The following VPS13A variants were observed in gnomAD, a reference collection of about 807,000 sequenced individuals.
VPS13A encodes the protein intermembrane lipid transfer protein VPS13A.
In VPS13A, 264 loss-of-function variants were observed where a neutral mutation model predicts 390.9. The ratio of observed to expected loss-of-function variants is 0.68; its 90% CI spans 0.61 to 0.75. VPS13A has a LOEUF of 0.75. VPS13A is among the 30% of genes least tolerant of loss of function. The probability of loss-of-function intolerance (pLI) is 0.00; values close to 1 mark genes in which losing one functional copy is unlikely to be tolerated. For synonymous variants in VPS13A, 1,231 were observed against 1,227.1 expected, an observed-to-expected ratio of 1.00 and a Z score of -0.07; for missense variants, 3,409 against 3,733.9, an observed-to-expected ratio of 0.91 and a Z score of 2.27.
At chr9:77,314,156 G>A (rs1179756809) in intron 36 of VPS13A, 37 bp downstream of exon 36, 1 of 1,609,596 alleles carries the variant, frequency 6.2e-7, no homozygotes, top group Admixed American at 1.7e-5. Flanking sequence ...ATTTTCACAT[G>A]TGAAATTTGC....
intron 47 of VPS13A, chr9:77,338,089 C>G (rs889925310): frequency 6.6e-6 from 1 of 152,586 alleles, no homozygotes; most frequent in African/African-American, 2.4e-5. Flanking sequence ...GATCCTTCCA[C>G]CTCAGCCCCC....
intron 34 of VPS13A, 78 bp from the exon 35 acceptor site, chr9:77,307,867 C>T: frequency 1.7e-6 from 2 of 1,198,862 alleles, no homozygotes; most frequent in South Asian, 1.4e-5. Flanking sequence ...CATTTTTCTC[C>T]TCTGAGAATT....
intron 34 of VPS13A, among the ~76,000 whole-genome samples, chr9:77,306,339 A>T (rs1828738105): frequency 6.6e-6 from 1 of 151,962 alleles, no homozygotes; most frequent in South Asian, 2.1e-4. Context: ...AGTGAGCCAA[A>T]CTCAAAGATC....
At chr9:77,369,647 A>G (rs887121696) in intron 63 of VPS13A, among the ~76,000 whole-genome samples, 5 of 152,166 alleles carry the variant, frequency 3.3e-5, no homozygotes, top group Admixed American at 6.5e-5. Context: ...GTTCTCTTGG[A>G]ATATAAAAGG....
chr9:77,345,560 C>T (rs563336106), intron 52 of VPS13A, among the ~76,000 whole-genome samples: 1 of 151,840 alleles, frequency 6.6e-6, no homozygotes, highest in Non-Finnish European at 1.5e-5. Context: ...AGGACTGCTT[C>T]CTTAAAGGCT....
At chr9:77,241,119 C>CAT (rs1169342940) in intron 19 of VPS13A, among the ~76,000 whole-genome samples, 1 of 152,096 alleles carries the variant, frequency 6.6e-6, no homozygotes, top group East Asian at 1.9e-4. Context: ...TAACTCTTTA[C>CAT]ATATATTCTC....
chr9:77,200,284 C>G (rs1825250464), intron 2 of VPS13A, among the ~76,000 whole-genome samples: 1 of 151,946 alleles, frequency 6.6e-6, no homozygotes, highest in African/African-American at 2.4e-5. Flanking sequence ...GTCAGTAGTT[C>G]GAGACTAGCC....
In VPS13A at chr9:77,247,387, C is replaced by A; in HGVS notation, c.2029C>A (p.His677Asn). Reference protein sequence around the residue: ...TSNLLLLDLGHLKVTSKSRSE... With the variant: ...TSNLLLLDLGNLKVTSKSRSE... ...AAATCTGCTTCTTTTGGACCTTGGT[C>A]ATCTAAAGGTATATACTAATAATAT... Residue 677 changes from histidine (H) to asparagine (N), a missense_variant, in exon 20 of 72, where the codon CAT (histidine) becomes AAT (asparagine). Around this residue, in one of 5 missense-constraint regions of VPS13A, gnomAD observed 2,717 missense variants for 2,917.4 expected, o/e 0.93. Transcript: ENST00000360280. The A allele has an allele frequency of 6.2e-7, 1 of 1,611,754 alleles. No homozygotes were observed. Among genetic ancestry groups the A allele is most frequent in the South Asian group, 1.1e-5 (1 of 90,526 alleles).
chr9:77,339,530 G>A lies in VPS13A; in HGVS notation c.6393G>A (p.Ser2131=), dbSNP rs778412896. 82 of 1,534,248 alleles carry A rather than the reference G, an allele frequency of 5.3e-5. No homozygotes were observed. The highest frequency in any genetic ancestry group is 7.4e-5 in the East Asian group (3 of 40,766). ...IAYYIEGIEN[S]VFTLSEGHSA... is the part of the protein sequence containing the mutation. ...TTTTATTACAGGGAATTGAAAATTC[G>A]GTTTTTACTCTAAGTGAAGGACATT... Residue 2131 remains serine (S), a synonymous_variant, in exon 48 of 72, where the codon TCG becomes TCA. Coordinates refer to ENST00000360280, the MANE Select transcript of VPS13A (RefSeq NM_033305.3).
intron 71 of VPS13A, among the ~76,000 whole-genome samples, chr9:77,412,693 C>A (rs1834994672): frequency 6.6e-6 from 1 of 152,118 alleles, no homozygotes; most frequent in African/African-American, 2.4e-5. Flanking sequence ...TGGCACAAGA[C>A]AGGGATGCCC....
chr9:77,210,788 C>G, intron 7 of VPS13A, 113 bp downstream of exon 7: 1 of 1,040,008 alleles, frequency 9.6e-7, no homozygotes, highest in South Asian at 1.3e-5. Flanking sequence ...AGAACGGGTG[C>G]ACAAAGGGTC....
intron 1 of VPS13A, among the ~76,000 whole-genome samples, chr9:77,192,596 T>C (rs545404354): frequency 1.3e-3 from 200 of 152,332 alleles, no homozygotes; most frequent in Admixed American, 5.6e-3. Flanking sequence ...GATTCACTTA[T>C]GAAGTTTAGT....
chr9:77,286,794 C>T (rs114426511), intron 31 of VPS13A, among the ~76,000 whole-genome samples: 1 of 152,046 alleles, frequency 6.6e-6, no homozygotes, highest in South Asian at 2.1e-4. Context: ...AGTTAGTTTC[C>T]GTTGAGAAAA....
Position 77,315,396 on chromosome 9 carries a change from A to T in VPS13A, c.4556A>T (p.Asn1519Ile), listed in dbSNP as rs1235522716. 10 of 1,613,942 alleles carry T rather than the reference A, an allele frequency of 6.2e-6. 1 individual carries two copies. The East Asian group carries it at 2.2e-4, about 36-fold the overall frequency. ...GTAGAATTTCTGCAGACTGTTGCAA[A>T]TGTCTTTCTTGAGGCCTACACCACA... ...ASVEFLQTVA[N>I]VFLEAYTTGT... Residue 1519 changes from asparagine to isoleucine, a missense_variant, in exon 38 of 72, where the codon AAT becomes ATT. Coordinates refer to ENST00000360280, the MANE Select transcript of VPS13A (RefSeq NM_033305.3).
At chr9:77,404,989 CCTT>C (rs2131651676) in intron 69 of VPS13A, among the ~76,000 whole-genome samples, 1 of 150,974 alleles carries the variant, frequency 6.6e-6, no homozygotes, top group South Asian at 2.1e-4. Context: ...AGGAGTCAGA[CCTT>C]TTTTTTTTTA....
chr9:77,226,612 A>G lies in VPS13A; in HGVS notation c.1357+14A>G. The stretch of plus-strand genomic sequence containing the variant: ...TTCAACCTGAAAGTATGTCCATTTC[A>G]TTTTACAGCATAGTTAATCACTGGG... On this transcript the variant is annotated intron_variant, in intron 15 of 71. Coordinates refer to ENST00000360280, the MANE Select transcript of VPS13A (RefSeq NM_033305.3). 1.2e-6 allele frequency: 2 copies of G among 1,609,976 alleles called. No individual in the cohort carries two copies. Among genetic ancestry groups the G allele is most frequent in the Non-Finnish European group, 1.7e-6 (2 of 1,177,510 alleles).
intron 68 of VPS13A, among the ~76,000 whole-genome samples, chr9:77,392,592 A>G (rs540121207): frequency 3.3e-5 from 5 of 152,152 alleles, no homozygotes; most frequent in Non-Finnish European, 7.4e-5. Flanking sequence ...GTTCAGTTCC[A>G]GACCACCAGA....
intron 32 of VPS13A, among the ~76,000 whole-genome samples, chr9:77,294,831 T>C (rs370992231): frequency 2.2e-4 from 33 of 152,196 alleles, no homozygotes; most frequent in African/African-American, 7.7e-4. Context: ...GCCTCCCAAG[T>C]AGATTAAATT....
rs563209223 is a variant in VPS13A, at chr9:77,220,738, A to G, written c.989+355A>G. On this transcript the variant is annotated intron_variant, in intron 12 of 71. Transcript: ENST00000360280. ...CTTCCCTATCAGATACACTGAACCA[A>G]TATTATTAAACCTGTATTTTAAAAG... 2.0e-5 allele frequency among the ~76,000 whole-genome samples: 3 copies of G among 152,186 alleles called. No individual in the cohort carries two copies. In the South Asian group the frequency reaches 6.2e-4, roughly 32 times the overall value.
Sources: allele counts gnomAD v4.1 joint callset (sites outside exome capture counted in the v4.1 genomes callset), GRCh38; gene constraint gnomAD v4.1.1; regional missense constraint gnomAD v4.1.1; transcripts MANE v1.5; gene names NCBI Gene and HGNC (gene_info 2026-07-23, HGNC 2026-07-21).